The following FRAS1 variants were observed in gnomAD, a reference collection of about 807,000 sequenced individuals.
FRAS1 encodes the protein extracellular matrix organizing protein FRAS1.
FRAS1 carries 290 observed loss-of-function variants against 435.2 expected under a neutral mutation model. The observed-to-expected ratio is 0.67, with a 90% CI of 0.61 to 0.73. FRAS1 has a LOEUF of 0.73. Among genes scored for constraint, FRAS1 ranks in the 30% least tolerant of loss-of-function variants. The pLI, the probability that FRAS1 is intolerant of heterozygous loss-of-function variation, is 0.00. For missense variants in FRAS1, 4,860 were observed against 5,001.5 expected (o/e 0.97, Z 0.85); for synonymous variants, 1,800 against 1,851.0 (o/e 0.97, Z 0.71).
rs1721544055 is a variant in FRAS1, at chr4:78,526,670, A to G, written c.10925+13A>G. 2 of 1,446,690 alleles carry G rather than the reference A, an allele frequency of 1.4e-6. No individual in the cohort carries two copies. Among genetic ancestry groups the G allele is most frequent in the South Asian group, 2.7e-5 (2 of 73,836 alleles). 89.6% of individuals were successfully genotyped at this position (1,446,690 alleles called of 1,614,324 possible). A position where few individuals can be genotyped will look rare whatever the true frequency, so the allele number is the denominator to read the frequency against. ...ATGCCCCAGAAAGGTAGGAAAATATAGTCAATCCTCATTATTTGTTGATTC... is the reference window on the plus strand; with the variant it reads ...ATGCCCCAGAAAGGTAGGAAAATATGGTCAATCCTCATTATTTGTTGATTC... On this transcript the variant is annotated intron_variant, in intron 70 of 73. Transcript: ENST00000512123.
chr4:78,372,657 G>T, intron 23 of FRAS1, 61 bp from the exon 24 acceptor site: 1 of 1,594,358 alleles, frequency 6.3e-7, no homozygotes. Flanking sequence ...CCTCATAAAT[G>T]AACTGCTGGG....
intron 29 of FRAS1, among the ~76,000 whole-genome samples, chr4:78,397,672 T>TCCACA (rs1732726504): frequency 6.6e-6 from 1 of 152,186 alleles, no homozygotes; most frequent in Admixed American, 6.5e-5. Flanking sequence ...ATCCACACAA[T>TCCACA]GGTTACTGTA....
chr4:78,511,565 G>A, intron 64 of FRAS1, 59 bp downstream of exon 64: 1 of 1,253,294 alleles, frequency 8.0e-7, no homozygotes. Context: ...GGTCTCCTTT[G>A]TGTGTTTCCC....
At chr4:78,198,230 C>G (rs958635194) in intron 2 of FRAS1, among the ~76,000 whole-genome samples, 4 of 152,148 alleles carry the variant, frequency 2.6e-5, no homozygotes, top group African/African-American at 9.7e-5. Flanking sequence ...AGGAGTGAGT[C>G]CCCCCTGACA....
chr4:78,421,920 A>T lies in FRAS1; in HGVS notation c.4598A>T (p.Asp1533Val). Residue 1533 changes from aspartate (D) to valine (V), a missense_variant, in exon 34 of 74, where the codon GAT becomes GTT. Coordinates refer to ENST00000512123, the MANE Select transcript of FRAS1 (RefSeq NM_025074.7). ...CCTATCCGGTATTTCACGCAAGAGG[A>T]TATTAACCAGGGCAAAGTCATGTAC... is the stretch of plus-strand genomic sequence containing the variant. ...HSPIRYFTQE[D>V]INQGKVMYRP... 1 of 1,613,794 alleles carries T rather than the reference A, an allele frequency of 6.2e-7. No individual in the cohort carries two copies. The highest frequency in any genetic ancestry group is 8.5e-7 in the Non-Finnish European group (1 of 1,179,814).
At chr4:78,509,030 G>C (rs547476505) in intron 63 of FRAS1, 24 bp downstream of exon 63, 1 of 1,612,904 alleles carries the variant, frequency 6.2e-7, no homozygotes, top group South Asian at 1.1e-5. Context: ...TCTGGGCCTG[G>C]TTCTCCCTCC....
chr4:78,099,428 TC>T (rs1741993749), intron 2 of FRAS1, among the ~76,000 whole-genome samples: 2 of 152,140 alleles, frequency 1.3e-5, no homozygotes, highest in Admixed American at 1.3e-4. Flanking sequence ...AGTCCTCCCC[TC>T]CACTTGCAGA....
At chr4:78,141,063 T>C (rs976847340) in intron 2 of FRAS1, among the ~76,000 whole-genome samples, 1 of 152,162 alleles carries the variant, frequency 6.6e-6, no homozygotes, top group African/African-American at 2.4e-5. Flanking sequence ...TTTTTTATTA[T>C]ACTTTAAATT....
chr4:78,397,761 G>A (rs1282873870), intron 29 of FRAS1, among the ~76,000 whole-genome samples: 2 of 152,190 alleles, frequency 1.3e-5, no homozygotes, highest in Non-Finnish European at 2.9e-5. Flanking sequence ...TGTTCTGGAT[G>A]GAGTGAGACA....
chr4:78,360,343 G>T (rs1041659343), intron 20 of FRAS1, among the ~76,000 whole-genome samples: 6 of 152,186 alleles, frequency 3.9e-5, no homozygotes, highest in African/African-American at 1.4e-4. Context: ...TTACAATGAA[G>T]TGAGGAGTTA....
At position 78,507,416 on chromosome 4, in the gene FRAS1, C is replaced by A; in HGVS notation, c.9317-5C>A. On this transcript the variant is annotated splice_region_variant and splice_polypyrimidine_tract_variant and intron_variant, in intron 61 of 73. Transcript: ENST00000512123. Reference sequence around the variant, plus strand: ...TGCTCTCTTTTTGTTCTGTCCTTGGCGAAGGTGTGGATCATATCTTTTTTA... The same window carrying A: ...TGCTCTCTTTTTGTTCTGTCCTTGGAGAAGGTGTGGATCATATCTTTTTTA... 6.2e-7 allele frequency: 1 copy of A among 1,605,824 alleles called. No individual in the cohort carries two copies. The highest frequency in any genetic ancestry group is 1.1e-5 in the South Asian group (1 of 88,812).
At position 78,100,616 on chromosome 4, in the gene FRAS1, C is replaced by T. The variant is rs1394865543; in HGVS notation, c.108+34600C>T. ...GCACAGGCCTTACTCTCAGAAGGGCCCTGCCTTTGTTTTTATTATCTGTCA... is the reference window on the plus strand; with the variant it reads ...GCACAGGCCTTACTCTCAGAAGGGCTCTGCCTTTGTTTTTATTATCTGTCA... On this transcript the variant is annotated intron_variant, in intron 2 of 73. Transcript: ENST00000512123. 3.9e-5 allele frequency among the ~76,000 whole-genome samples: 6 copies of T among 152,196 alleles called. No individual in the cohort carries two copies. The East Asian group carries it at 1.2e-3, about 29-fold the overall frequency.
intron 2 of FRAS1, among the ~76,000 whole-genome samples, chr4:78,141,362 GAA>G (rs1204380788): frequency 6.6e-6 from 1 of 152,146 alleles, no homozygotes; most frequent in African/African-American, 2.4e-5. Flanking sequence ...GTTATGAAAA[GAA>G]TGTTTATTTG....
chr4:78,282,743 G>C (rs958371599), intron 11 of FRAS1, 77 bp from the exon 12 acceptor site: 15 of 1,550,732 alleles, frequency 9.7e-6, no homozygotes, highest in South Asian at 1.2e-5. Flanking sequence ...TATGGAAATT[G>C]TAAGTTCTTC....
chr4:78,404,610 C>A (rs1733030011), intron 30 of FRAS1, among the ~76,000 whole-genome samples: 1 of 152,156 alleles, frequency 6.6e-6, no homozygotes, highest in East Asian at 1.9e-4. Context: ...AGTCATCTAT[C>A]CCAATAGGTG....
intron 2 of FRAS1, among the ~76,000 whole-genome samples, chr4:78,159,108 T>C (rs1362986127): frequency 6.6e-6 from 1 of 152,196 alleles, no homozygotes; most frequent in African/African-American, 2.4e-5. Flanking sequence ...CAGAACTCAT[T>C]AGTATGTGGT....
chr4:78,075,186 A>G (rs905458215), intron 2 of FRAS1, among the ~76,000 whole-genome samples: 1 of 152,222 alleles, frequency 6.6e-6, no homozygotes, highest in Admixed American at 6.5e-5. Flanking sequence ...GTGGGAAACA[A>G]GAATTCTCCA....
chr4:78,359,693 A>G (rs1004713139), intron 20 of FRAS1, among the ~76,000 whole-genome samples: 1 of 152,190 alleles, frequency 6.6e-6, no homozygotes, highest in African/African-American at 2.4e-5. Context: ...GGTAGTGAAC[A>G]AAAAGAGTTA....
chr4:78,137,208 G>T (rs1161770293), intron 2 of FRAS1, among the ~76,000 whole-genome samples: 3 of 152,190 alleles, frequency 2.0e-5, no homozygotes, highest in Non-Finnish European at 2.9e-5. Flanking sequence ...GTAAGGAAAA[G>T]ATGCAAACCT....
Sources: allele counts gnomAD v4.1 joint callset (sites outside exome capture counted in the v4.1 genomes callset), GRCh38; gene constraint gnomAD v4.1.1; transcripts MANE v1.5; gene names NCBI Gene and HGNC (gene_info 2026-07-23, HGNC 2026-07-21).